ENOX1: variants seen among roughly 807,000 people sequenced by gnomAD.
The protein encoded by ENOX1 is candidate growth-related and time keeping constitutive hydroquinone (NADH) oxidase.
A neutral mutation model predicts 82.5 loss-of-function variants in ENOX1; 42 were observed. The ratio of observed to expected loss-of-function variants is 0.51; its 90% CI spans 0.40 to 0.66. ENOX1 has a LOEUF of 0.66. Ranked by LOEUF, ENOX1 falls within the 30% of genes least tolerant of loss-of-function variation. The pLI, the probability that ENOX1 is intolerant of heterozygous loss-of-function variation, is 0.00. For synonymous variants in ENOX1, 271 were observed against 282.2 expected (o/e 0.96, Z 0.40); for missense variants, 608 against 811.6 (o/e 0.75, Z 3.05).
At position 43,431,713 on chromosome 13, in the gene ENOX1, G is replaced by A. The variant is rs118041566; in HGVS notation, c.-74-18725C>T. On this transcript the variant is annotated intron_variant, in intron 3 of 16. Coordinates refer to ENST00000690772, the MANE Select transcript of ENOX1 (RefSeq NM_001347969.2). Reference sequence around the variant, plus strand: ...TATATATACATACACACATAAATATGTATAAACACACCGTATTAATCATTA... The same window carrying A: ...TATATATACATACACACATAAATATATATAAACACACCGTATTAATCATTA... Among the ~76,000 whole-genome samples the A allele has an allele frequency of 9.0e-3, 1,371 of 152,204 alleles. 9 individuals are homozygous for A. Among genetic ancestry groups the A allele is most frequent in the Non-Finnish European group, 0.015 (1,027 of 68,018 alleles).
At chr13:43,518,319 C>T (rs987958641) in intron 2 of ENOX1, among the ~76,000 whole-genome samples, 7 of 151,878 alleles carry the variant, frequency 4.6e-5, no homozygotes, top group Non-Finnish European at 7.4e-5. Context: ...AGGTGAGATA[C>T]GTGGGTCTCC....
intron 2 of ENOX1, among the ~76,000 whole-genome samples, chr13:43,500,550 T>C (rs1342683156): frequency 6.6e-6 from 1 of 152,048 alleles, no homozygotes; most frequent in Non-Finnish European, 1.5e-5. Flanking sequence ...AGGAAGTATG[T>C]CAACACTGGG....
At chr13:43,654,812 C>G (rs1332133549) in intron 2 of ENOX1, among the ~76,000 whole-genome samples, 1 of 152,092 alleles carries the variant, frequency 6.6e-6, no homozygotes. Context: ...CTCTGTGGTT[C>G]CTAAGTCTTG....
At chr13:43,672,019 C>T (rs2085293178) in intron 1 of ENOX1, among the ~76,000 whole-genome samples, 1 of 152,158 alleles carries the variant, frequency 6.6e-6, no homozygotes, top group African/African-American at 2.4e-5. Context: ...GTGCTTTTTA[C>T]CATTCATACC....
intron 2 of ENOX1, among the ~76,000 whole-genome samples, chr13:43,661,143 T>C (rs749516896): frequency 6.6e-6 from 1 of 152,222 alleles, no homozygotes; most frequent in Non-Finnish European, 1.5e-5. Context: ...ACTTTGTTTA[T>C]TGTGCCCCTG....
intron 14 of ENOX1, among the ~76,000 whole-genome samples, chr13:43,248,036 C>T (rs372883948): frequency 6.7e-6 from 1 of 148,462 alleles, no homozygotes; most frequent in Admixed American, 6.7e-5. Context: ...CAGGCGCCCG[C>T]CACTACGCCT....
chr13:43,398,802 T>TC (rs2053313114), intron 5 of ENOX1, among the ~76,000 whole-genome samples: 1 of 125,244 alleles, frequency 8.0e-6, no homozygotes, highest in Admixed American at 8.3e-5. Context: ...CATTTCTTCT[T>TC]CTTTTTTTTT....
intron 2 of ENOX1, among the ~76,000 whole-genome samples, chr13:43,650,637 G>A (rs1226874364): frequency 5.1e-5 from 7 of 138,056 alleles, no homozygotes; most frequent in South Asian, 5.1e-4. Flanking sequence ...TCAGGAGTTC[G>A]AGACCATCCT....
At chr13:43,544,419 C>T (rs1344051803) in intron 2 of ENOX1, 1 of 152,110 alleles carries the variant, frequency 6.6e-6, no homozygotes, top group East Asian at 1.9e-4. Context: ...AGAACCCAAG[C>T]ACACAACTAT....
At chr13:43,306,353 C>T (rs981372786) in intron 11 of ENOX1, among the ~76,000 whole-genome samples, 43 of 152,222 alleles carry the variant, frequency 2.8e-4, no homozygotes, top group South Asian at 8.3e-4. Flanking sequence ...TCTTTTAATT[C>T]GATTTTAGTT....
At chr13:43,454,843 T>TGAAACC (rs1418815202) in intron 3 of ENOX1, among the ~76,000 whole-genome samples, 1 of 45,798 alleles carries the variant, frequency 2.2e-5, no homozygotes, top group Non-Finnish European at 6.1e-5. Flanking sequence ...TTGAAACCAT[T>TGAAACC]TTTTTTTTTT....
At chr13:43,362,715 CAGA>C (rs1442499091) in intron 5 of ENOX1, among the ~76,000 whole-genome samples, 1 of 152,194 alleles carries the variant, frequency 6.6e-6, no homozygotes, top group African/African-American at 2.4e-5. Flanking sequence ...CCAGAGAATA[CAGA>C]AGGTCTAGCA....
chr13:43,739,435 G>A (rs934230599), intron 1 of ENOX1, among the ~76,000 whole-genome samples: 1 of 152,008 alleles, frequency 6.6e-6, no homozygotes, highest in African/African-American at 2.4e-5. Flanking sequence ...TGTAGTCCCA[G>A]CTACTTGGGA....
intron 5 of ENOX1, among the ~76,000 whole-genome samples, chr13:43,386,370 G>C (rs1479098476): frequency 2.0e-5 from 3 of 152,156 alleles, no homozygotes; most frequent in African/African-American, 7.2e-5. Flanking sequence ...AAGGAGAATG[G>C]ACAGGTCTAT....
At position 43,756,969 on chromosome 13, in the gene ENOX1, C is replaced by CAA. The variant is rs1408849152; in HGVS notation, c.-285+29681_-285+29682dup. On this transcript the variant is annotated intron_variant, in intron 1 of 16. Coordinates refer to ENST00000690772, the MANE Select transcript of ENOX1 (RefSeq NM_001347969.2). ...TGTGTCTCAACAACAACAAAAACAA[C>CAA]AACAAAAAAAAAAAAAAAAAAAAAA... Among the ~76,000 whole-genome samples the CAA allele has an allele frequency of 8.9e-3, 367 of 41,356 alleles. 2 individuals carry two copies. The highest frequency in any genetic ancestry group is 0.014 in the Non-Finnish European group (293 of 20,242). The allele number at this position is 41,356 out of a possible 152,430, so 27.1% of individuals were successfully genotyped here. A position where few individuals can be genotyped will look rare whatever the true frequency, so the allele number is the denominator to read the frequency against.
rs2047868789 is a variant in ENOX1 at position 43,322,471 on chromosome 13, T to C, written c.1174A>G (p.Met392Val). The C allele has an allele frequency of 1.2e-6, 2 of 1,614,046 alleles. No homozygotes were observed. The highest frequency in any genetic ancestry group is 1.7e-6 in the Non-Finnish European group (2 of 1,179,946). The change falls in exon 11 of 17, where the codon ATG (methionine) becomes GTG (valine). Residue 392 changes from methionine (M) to valine (V), a missense_variant. By Grantham distance (21) the Met-to-Val change is conservative (BLOSUM62 1). Transcript: ENST00000690772. ...ELRNAQSEQL[M>V]GIRREEEMEM... is the part of the protein sequence containing the mutation. Reference sequence around the variant, plus strand: ...ATTTCTTCTTCGCGGCGGATGCCCATGAGCTGCTCACTTTGAGCATTCCGG... The same window carrying C: ...ATTTCTTCTTCGCGGCGGATGCCCACGAGCTGCTCACTTTGAGCATTCCGG...
chr13:43,695,695 G>A (rs533627602), intron 1 of ENOX1, among the ~76,000 whole-genome samples: 56 of 152,140 alleles, frequency 3.7e-4, no homozygotes, highest in African/African-American at 9.9e-4. Flanking sequence ...TGATCGGCCC[G>A]CCTCAGCCTT....
chr13:43,301,730 T>C (rs1290391772), intron 11 of ENOX1, among the ~76,000 whole-genome samples: 7 of 152,174 alleles, frequency 4.6e-5, no homozygotes, highest in African/African-American at 9.7e-5. Context: ...CAAGTAGTTA[T>C]CTTCTAAAGG....
chr13:43,262,448 A>G (rs1593589881), intron 14 of ENOX1, among the ~76,000 whole-genome samples: 1 of 152,332 alleles, frequency 6.6e-6, no homozygotes, highest in East Asian at 1.9e-4. Context: ...GTCTCAGACA[A>G]TAGCCTTTGG....
Sources: allele counts gnomAD v4.1 joint callset (sites outside exome capture counted in the v4.1 genomes callset), GRCh38; gene constraint gnomAD v4.1.1; transcripts MANE v1.5; gene names NCBI Gene and HGNC (gene_info 2026-07-23, HGNC 2026-07-21).